DGKB: variants seen among roughly 807,000 people sequenced by gnomAD.
DGKB encodes 90 kDa diacylglycerol kinase.
A neutral mutation model predicts 114.3 loss-of-function variants in DGKB; 67 were observed. The ratio of observed to expected loss-of-function variants is 0.59; its 90% CI spans 0.48 to 0.72. The LOEUF is 0.72. Among genes scored for constraint, DGKB ranks in the 30% least tolerant of loss-of-function variants. DGKB has a pLI of 0.00. For synonymous variants in DGKB, 398 were observed against 323.1 expected, an observed-to-expected ratio of 1.23 and a Z score of -2.49; for missense variants, 907 against 975.2, an observed-to-expected ratio of 0.93 and a Z score of 0.93.
At chr7:14,164,603 T>A (rs78418817) in intron 25 of DGKB, among the ~76,000 whole-genome samples, 2,806 of 152,286 alleles carry the variant, frequency 0.018, 33 homozygotes, top group Non-Finnish European at 0.024. Context: ...AGTTAAACAT[T>A]ATGATAAAAC....
chr7:14,606,187 T>G (rs979411942), intron 17 of DGKB, among the ~76,000 whole-genome samples: 1 of 152,126 alleles, frequency 6.6e-6, no homozygotes, highest in Non-Finnish European at 1.5e-5. Context: ...TTTACAATAC[T>G]TTACTTTTGC....
intron 21 of DGKB, among the ~76,000 whole-genome samples, chr7:14,449,441 C>T (rs542364463): frequency 1.5e-4 from 23 of 152,016 alleles, no homozygotes; most frequent in African/African-American, 4.3e-4. Flanking sequence ...TTGTATCATT[C>T]GCCCACTCAA....
At chr7:14,509,054 C>T (rs1400208783) in intron 20 of DGKB, among the ~76,000 whole-genome samples, 1 of 152,100 alleles carries the variant, frequency 6.6e-6, no homozygotes, top group Non-Finnish European at 1.5e-5. Context: ...TAAATTCCAG[C>T]ATTTAGTACA....
chr7:14,178,813 A>C (rs1782205701), intron 23 of DGKB, among the ~76,000 whole-genome samples: 1 of 152,100 alleles, frequency 6.6e-6, no homozygotes, highest in Non-Finnish European at 1.5e-5. Context: ...ATTATTATTA[A>C]ATTTTTTTTT....
chr7:14,740,919 T>C (rs1026377205), intron 4 of DGKB, among the ~76,000 whole-genome samples: 6 of 152,174 alleles, frequency 3.9e-5, no homozygotes, highest in Non-Finnish European at 5.9e-5. Flanking sequence ...TTTCCTTCTC[T>C]CTCTCATGTA....
At chr7:14,627,039 G>A (rs1384319703) in intron 14 of DGKB, among the ~76,000 whole-genome samples, 1 of 152,024 alleles carries the variant, frequency 6.6e-6, no homozygotes, top group Non-Finnish European at 1.5e-5. Context: ...TTAGACAAAA[G>A]TACTGACATA....
chr7:14,965,295 A>T, intron 1 of DGKB, among the ~76,000 whole-genome samples: 1 of 152,220 alleles, frequency 6.6e-6, no homozygotes, highest in Middle Eastern at 3.4e-3. Context: ...TATTGCCATA[A>T]GTATATAGTT....
chr7:14,417,250 A>G (rs918648656), intron 21 of DGKB, among the ~76,000 whole-genome samples: 3 of 152,152 alleles, frequency 2.0e-5, no homozygotes, highest in East Asian at 1.9e-4. Context: ...TAATTTCACA[A>G]TTTCAAAGAT....
intron 23 of DGKB, among the ~76,000 whole-genome samples, chr7:14,180,276 T>TCTG (rs1782439196): frequency 6.6e-6 from 1 of 152,176 alleles, no homozygotes. Flanking sequence ...ATGAAACACT[T>TCTG]TCTCAAGACA....
chr7:14,324,466 A>G (rs2128544107), intron 23 of DGKB, among the ~76,000 whole-genome samples: 1 of 151,812 alleles, frequency 6.6e-6, no homozygotes, highest in East Asian at 1.9e-4. Context: ...AAAAAAAGAA[A>G]GAATGTCAGA....
chr7:14,382,057 A>C (rs977317788), intron 21 of DGKB, among the ~76,000 whole-genome samples: 7 of 151,806 alleles, frequency 4.6e-5, no homozygotes, highest in Non-Finnish European at 8.8e-5. Flanking sequence ...TCTCCTTTGT[A>C]TTTACACAAA....
intron 20 of DGKB, among the ~76,000 whole-genome samples, chr7:14,527,079 G>C (rs145450921): frequency 1.5e-4 from 23 of 152,176 alleles, no homozygotes; most frequent in African/African-American, 5.3e-4. Flanking sequence ...TCATATTTCA[G>C]CATCGATTTC....
At chr7:14,772,391 C>G (rs1400570467) in intron 2 of DGKB, among the ~76,000 whole-genome samples, 1 of 151,814 alleles carries the variant, frequency 6.6e-6, no homozygotes. Flanking sequence ...CGCTAAACTT[C>G]CAAAATTTTT....
chr7:14,599,994 T>C (rs1051820445), intron 17 of DGKB, among the ~76,000 whole-genome samples: 1 of 152,206 alleles, frequency 6.6e-6, no homozygotes, highest in Non-Finnish European at 1.5e-5. Context: ...TGTGCTGCTA[T>C]ATGAAAATAA....
At chr7:14,933,744 C>G (rs1180426185) in intron 1 of DGKB, among the ~76,000 whole-genome samples, 2 of 152,184 alleles carry the variant, frequency 1.3e-5, no homozygotes, top group Admixed American at 1.3e-4. Context: ...CTACAGAATA[C>G]AAATTTCCTC....
chr7:14,684,904 G>A (rs1268954948), intron 10 of DGKB, among the ~76,000 whole-genome samples: 3 of 151,996 alleles, frequency 2.0e-5, no homozygotes, highest in South Asian at 4.2e-4. Flanking sequence ...GTGGGGAGGG[G>A]GGGATGAATA....
intron 17 of DGKB, among the ~76,000 whole-genome samples, chr7:14,593,834 A>AAAAAAAAC (rs1430007801): frequency 1.3e-5 from 2 of 151,464 alleles, no homozygotes; most frequent in African/African-American, 4.9e-5. Context: ...AAAAGAAAAA[A>AAAAAAAAC]ACAACACAGG....
chr7:14,478,814 C>A (rs953307564), intron 20 of DGKB, among the ~76,000 whole-genome samples: 14 of 137,606 alleles, frequency 1.0e-4, no homozygotes, highest in Admixed American at 8.8e-4. Context: ...AAAAAAAAAA[C>A]AACAACAAAG....
At chr7:14,583,321 T>C (rs10256254) in intron 17 of DGKB, among the ~76,000 whole-genome samples, 184 bp from the exon 18 acceptor site, 12,466 of 152,108 alleles carry the variant, frequency 0.082, 1,111 homozygotes, top group African/African-American at 0.22. Context: ...GATTCTATAA[T>C]TTAAAAATAT....
Sources: allele counts gnomAD v4.1 joint callset (sites outside exome capture counted in the v4.1 genomes callset), GRCh38; gene constraint gnomAD v4.1.1; transcripts MANE v1.5; gene names NCBI Gene and HGNC (gene_info 2026-07-23, HGNC 2026-07-21).